Variants in SLC39A12 observed in about 807,000 individuals in gnomAD.
The protein encoded by SLC39A12 is solute carrier family 39 member 12.
SLC39A12 carries 63 observed loss-of-function variants against 71.1 expected under a neutral mutation model. That is an observed-to-expected ratio of 0.89 (90% CI 0.72 to 1.09). The LOEUF is 1.09. SLC39A12 is among the 50% of genes least tolerant of loss of function. The pLI is 0.00. For missense variants in SLC39A12, 892 were observed against 812.6 expected (o/e 1.10, Z -1.19); for synonymous variants, 351 against 301.3 (o/e 1.16, Z -1.71).
intron 6 of SLC39A12, among the ~76,000 whole-genome samples, chr10:17,985,651 G>A (rs1335993020): frequency 6.6e-6 from 1 of 152,010 alleles, no homozygotes; most frequent in Non-Finnish European, 1.5e-5. Context: ...TTTGCTTTGA[G>A]TATCTACAAG....
intron 9 of SLC39A12, among the ~76,000 whole-genome samples, chr10:17,994,839 T>C (rs1589236980): frequency 1.3e-5 from 2 of 152,328 alleles, no homozygotes; most frequent in East Asian, 3.9e-4. Flanking sequence ...TTTATCTCAT[T>C]ACATTTGTGT....
intron 2 of SLC39A12, 120 bp from the exon 3 acceptor site, chr10:17,961,461 C>T: frequency 1.0e-6 from 1 of 970,190 alleles, no homozygotes; most frequent in Non-Finnish European, 1.5e-6. Flanking sequence ...ATTGGTCCTG[C>T]CTGCTTTTCC....
intron 12 of SLC39A12, among the ~76,000 whole-genome samples, chr10:18,017,084 C>T (rs919285816): frequency 6.6e-6 from 1 of 152,010 alleles, no homozygotes; most frequent in Non-Finnish European, 1.5e-5. Context: ...GATTGCAATC[C>T]TGAAGCTTGG....
intron 11 of SLC39A12, chr10:18,002,892 A>T: frequency 3.7e-6 from 1 of 273,294 alleles, no homozygotes. Context: ...ATGTCAGAGG[A>T]TATCAAGAAC....
intron 12 of SLC39A12, among the ~76,000 whole-genome samples, chr10:18,034,402 G>A (rs561214802): frequency 3.4e-4 from 52 of 152,296 alleles, no homozygotes; most frequent in African/African-American, 1.2e-3. Context: ...TTACCATTAT[G>A]TAATGGCCTT....
intron 11 of SLC39A12, chr10:18,002,611 C>T (rs181766178): frequency 6.6e-6 from 1 of 152,258 alleles, no homozygotes; most frequent in East Asian, 1.9e-4. Flanking sequence ...GATTTACTAA[C>T]AGGTCAATCT....
chr10:17,965,789 G>T lies in SLC39A12; in HGVS notation c.751+99G>T, dbSNP rs77871976. On this transcript the variant is annotated intron_variant, in intron 4 of 12. Transcript: ENST00000377369. ...GCTCTTGATGACTGAATTCGTTCAG[G>T]TATGTTTTAAATACCATTTTTTATA... 188 of 995,484 alleles carry T rather than the reference G, an allele frequency of 1.9e-4. No individual in the cohort carries two copies. In the African/African-American group the frequency reaches 2.9e-3, roughly 15 times the overall value. The allele number at this position is 995,484 out of a possible 1,614,324, so 61.7% of individuals were successfully genotyped here.
intron 4 of SLC39A12, among the ~76,000 whole-genome samples, chr10:17,969,807 C>A (rs1398796008): frequency 6.6e-6 from 1 of 152,118 alleles, no homozygotes; most frequent in Admixed American, 6.5e-5. Context: ...CACTTGTCCA[C>A]TTTTAGTTTG....
rs782157139 is a variant in SLC39A12 at position 17,953,361 on chromosome 10, C to G, written c.85C>G (p.Pro29Ala). The stretch of plus-strand genomic sequence containing the variant: ...TGTTTTTTCTACTGAGACAGACAAA[C>G]CCTCAGCCCAGGATAGCAGAAGCCG... ...SRVFSTETDKPSAQDSRSRGS... is the reference protein window; with the variant it reads ...SRVFSTETDKASAQDSRSRGS... Residue 29 changes from proline to alanine, a missense_variant, in exon 2 of 13, where the codon CCC becomes GCC. Pro to Ala is a conservative substitution (Grantham distance 27). Coordinates refer to ENST00000377369, the MANE Select transcript of SLC39A12 (RefSeq NM_001145195.2). 6 of 1,614,124 alleles carry G rather than the reference C, an allele frequency of 3.7e-6. No individual in the cohort carries two copies. Among genetic ancestry groups the G allele is most frequent in the Non-Finnish European group, 5.1e-6 (6 of 1,180,028 alleles).
At chr10:18,005,331 C>G (rs1323154822) in intron 12 of SLC39A12, 1 of 152,176 alleles carries the variant, frequency 6.6e-6, no homozygotes, top group Non-Finnish European at 1.5e-5. Flanking sequence ...GTATTTCCAG[C>G]TTTGTTGTGA....
intron 4 of SLC39A12, among the ~76,000 whole-genome samples, chr10:17,972,487 C>G (rs999940164): frequency 9.2e-5 from 14 of 152,078 alleles, no homozygotes; most frequent in Non-Finnish European, 5.9e-5. Context: ...GTAGCTCTAA[C>G]AATATTTGCT....
chr10:18,033,382 G>A (rs1294357426), intron 12 of SLC39A12, among the ~76,000 whole-genome samples: 2 of 144,878 alleles, frequency 1.4e-5, no homozygotes, highest in Non-Finnish European at 3.1e-5. Context: ...GTCTTGGGAG[G>A]GTGTATGTGT....
Position 17,970,173 on chromosome 10 carries a change from T to A in SLC39A12, c.751+4483T>A, listed in dbSNP as rs868683550. Among the ~76,000 whole-genome samples the A allele has an allele frequency of 3.3e-5, 5 of 152,334 alleles. No homozygotes were observed. In the Middle Eastern group the frequency reaches 0.01, roughly 311 times the overall value. ...TGTCTGTTTTTATGCCAGTACTTCC[T>A]GTTTTGGTGACTGTAGCTCTGTAAT... On this transcript the variant is annotated intron_variant, in intron 4 of 12. Transcript: ENST00000377369.
chr10:17,956,151 A>C (rs1554847757), intron 2 of SLC39A12, among the ~76,000 whole-genome samples: 2 of 152,126 alleles, frequency 1.3e-5, no homozygotes, highest in African/African-American at 4.8e-5. Context: ...ATCTGTGAAA[A>C]TCACACGGAC....
intron 10 of SLC39A12, 83 bp downstream of exon 10, chr10:17,995,805 TA>T: frequency 4.9e-6 from 6 of 1,232,412 alleles, no homozygotes; most frequent in Non-Finnish European, 5.8e-6. Flanking sequence ...GTCAAAACTA[TA>T]TAGATATCAT....
intron 2 of SLC39A12, among the ~76,000 whole-genome samples, chr10:17,955,369 G>T (rs1051242624): frequency 6.6e-6 from 1 of 152,154 alleles, no homozygotes; most frequent in Admixed American, 6.5e-5. Flanking sequence ...GTGAGTCTCA[G>T]CTTTACCTAC....
intron 7 of SLC39A12, 45 bp from the exon 8 acceptor site, chr10:17,991,106 T>C: frequency 1.3e-6 from 2 of 1,513,800 alleles, no homozygotes; most frequent in Non-Finnish European, 8.8e-7. Flanking sequence ...TCAAGACTTA[T>C]CTCCATCTTT....
At chr10:17,963,087 G>T (rs1834732435) in intron 3 of SLC39A12, among the ~76,000 whole-genome samples, 1 of 152,076 alleles carries the variant, frequency 6.6e-6, no homozygotes, top group Non-Finnish European at 1.5e-5. Context: ...CTTGTGCCCA[G>T]GAGTTTGAGG....
intron 6 of SLC39A12, among the ~76,000 whole-genome samples, chr10:17,985,225 C>T (rs1835370061): frequency 6.6e-6 from 1 of 152,120 alleles, no homozygotes; most frequent in African/African-American, 2.4e-5. Flanking sequence ...CACCTGTAGT[C>T]CCAGCTACGC....
Sources: gnomAD v4.1 joint callset for allele counts (sites outside exome capture counted in the v4.1 genomes callset) on GRCh38, gnomAD v4.1.1 for gene constraint, MANE v1.5 for transcripts, NCBI Gene and HGNC (gene_info 2026-07-23, HGNC 2026-07-21) for gene names.